NUDCD3: variants seen among roughly 807,000 people sequenced by gnomAD.
The protein encoded by NUDCD3 is NudC domain containing 3.
NUDCD3 carries 13 observed loss-of-function variants against 39.7 expected under a neutral mutation model. That is an observed-to-expected ratio of 0.33 (90% CI 0.21 to 0.52). NUDCD3 has a LOEUF of 0.52. NUDCD3 is among the 20% of genes least tolerant of loss of function. The pLI, the probability that NUDCD3 is intolerant of heterozygous loss-of-function variation, is 0.96. For synonymous variants in NUDCD3, 175 were observed against 172.4 expected (o/e 1.02, Z -0.12); for missense variants, 453 against 458.1 (o/e 0.99, Z 0.10).
intron 4 of NUDCD3, among the ~76,000 whole-genome samples, chr7:44,394,082 AGGGTGGGCACCGATGTGGTGC>A (rs1302531169): frequency 6.6e-6 from 1 of 152,202 alleles, no homozygotes; most frequent in Non-Finnish European, 1.5e-5. Context: ...ACTAATGAAG[AGGGTGGGCACCGATGTGGTGC>A]GGGAGAGCAC....
chr7:44,489,794 T>C (rs1800694103), intron 1 of NUDCD3: 1 of 152,232 alleles, frequency 6.6e-6, no homozygotes, highest in Non-Finnish European at 1.5e-5. Flanking sequence ...ACTAAGAGTG[T>C]AAACTACATT....
At chr7:44,476,035 T>C (rs1024480269) in intron 2 of NUDCD3, among the ~76,000 whole-genome samples, 2 of 152,114 alleles carry the variant, frequency 1.3e-5, no homozygotes, top group Non-Finnish European at 2.9e-5. Context: ...CTCACCACAG[T>C]CTACGGGGTT....
intron 2 of NUDCD3, chr7:44,484,298 A>T (rs1253412828): frequency 6.6e-6 from 1 of 152,234 alleles, no homozygotes; most frequent in East Asian, 1.9e-4. Context: ...CACCCACAAA[A>T]CATAACTCCT....
intron 2 of NUDCD3, among the ~76,000 whole-genome samples, chr7:44,434,438 G>T (rs948866835): frequency 3.9e-5 from 6 of 152,136 alleles, no homozygotes; most frequent in African/African-American, 1.4e-4. Flanking sequence ...CTGTCTAGAG[G>T]GTGGTGCCTC....
intron 4 of NUDCD3, among the ~76,000 whole-genome samples, chr7:44,394,389 T>A (rs1007439201): frequency 6.6e-6 from 1 of 152,206 alleles, no homozygotes; most frequent in African/African-American, 2.4e-5. Context: ...GGGACCTGAC[T>A]CACCCTCAGA....
At chr7:44,404,678 T>C in intron 3 of NUDCD3, 95 bp from the exon 4 acceptor site, 1 of 1,341,556 alleles carries the variant, frequency 7.5e-7, no homozygotes, top group Non-Finnish European at 1.0e-6. Context: ...GGTACCTGAC[T>C]GCACACTACA....
At chr7:44,464,875 C>T (rs867656823) in intron 2 of NUDCD3, among the ~76,000 whole-genome samples, 2 of 152,198 alleles carry the variant, frequency 1.3e-5, no homozygotes, top group Non-Finnish European at 2.9e-5. Context: ...GCATTTAGTA[C>T]AGAATCTCAA....
chr7:44,433,333 A>G (rs1445154437), intron 2 of NUDCD3, among the ~76,000 whole-genome samples: 5 of 152,088 alleles, frequency 3.3e-5, no homozygotes, highest in Non-Finnish European at 5.9e-5. Context: ...GTATGTGTGC[A>G]CTATATGTGT....
Position 44,391,453 on chromosome 7 carries a change from C to A in NUDCD3, c.975+844G>T, listed in dbSNP as rs529003601. ...TAAGACTAAGACAATCCAGATACAC[C>A]ACAAGGTAAGGTTCCTCCAAGAGAC... On this transcript the variant is annotated intron_variant, in intron 5 of 5. Coordinates refer to ENST00000355451, the MANE Select transcript of NUDCD3 (RefSeq NM_015332.4). Among the ~76,000 whole-genome samples, 8 of 152,230 alleles carry A rather than the reference C, an allele frequency of 5.3e-5. 1 individual carries two copies. In the South Asian group the frequency reaches 1.7e-3, roughly 32 times the overall value.
intron 5 of NUDCD3, among the ~76,000 whole-genome samples, chr7:44,391,839 C>G (rs973621194): frequency 1.3e-5 from 2 of 152,208 alleles, no homozygotes; most frequent in East Asian, 3.8e-4. Flanking sequence ...TCCTCCCTAA[C>G]CCACTGCTGA....
chr7:44,446,471 A>G (rs951485987), intron 2 of NUDCD3, among the ~76,000 whole-genome samples: 1 of 152,254 alleles, frequency 6.6e-6, no homozygotes, highest in Admixed American at 6.5e-5. Context: ...CTGGAGAAAC[A>G]GTCCTACTAT....
chr7:44,412,813 G>C (rs1428655223), intron 3 of NUDCD3, among the ~76,000 whole-genome samples: 1 of 151,718 alleles, frequency 6.6e-6, no homozygotes, highest in African/African-American at 2.4e-5. Context: ...TGTATTCCCA[G>C]CTACTCAGGA....
intron 2 of NUDCD3, among the ~76,000 whole-genome samples, chr7:44,439,487 G>A (rs1219957432): frequency 6.6e-6 from 1 of 151,970 alleles, no homozygotes; most frequent in African/African-American, 2.4e-5. Context: ...AAAGGGAATT[G>A]GGCTCCCTGG....
Position 44,475,982 on chromosome 7 carries a change from G to A in NUDCD3, c.509+8986C>T, listed in dbSNP as rs376915408. Among the ~76,000 whole-genome samples the A allele has an allele frequency of 2.0e-4, 31 of 152,204 alleles. 1 individual carries two copies. The highest frequency in any genetic ancestry group is 1.2e-3 in the South Asian group (6 of 4,816). On this transcript the variant is annotated intron_variant, in intron 2 of 5. Coordinates refer to ENST00000355451, the MANE Select transcript of NUDCD3 (RefSeq NM_015332.4). The stretch of plus-strand genomic sequence containing the variant: ...GATAATAGCTAGTATCTACTTGAGT[G>A]CACACTCTGTCAGGAATCATGCTAA...
At chr7:44,459,858 GA>G (rs1265811278) in intron 2 of NUDCD3, among the ~76,000 whole-genome samples, 1 of 152,124 alleles carries the variant, frequency 6.6e-6, no homozygotes, top group Non-Finnish European at 1.5e-5. Context: ...CTTTTAACAG[GA>G]AAATTTAACG....
intron 2 of NUDCD3, among the ~76,000 whole-genome samples, chr7:44,481,769 A>C (rs1800495832): frequency 6.6e-6 from 1 of 152,230 alleles, no homozygotes; most frequent in Non-Finnish European, 1.5e-5. Context: ...TTGTGTCCCA[A>C]AATTCCTACG....
Position 44,383,070 on chromosome 7 carries a change from G to C in NUDCD3, c.*2941C>G, listed in dbSNP as rs1798335393. On this transcript the variant is annotated 3_prime_UTR_variant, in exon 6 of 6. Transcript: ENST00000355451. ...CCAGGGGTGAGCAGGGTCAGAGGAG[G>C]CTGGAGATGGGGTGGGCACAGAGAA... 1 of 152,446 alleles carries C rather than the reference G, an allele frequency of 6.6e-6. No homozygotes were observed. The highest frequency in any genetic ancestry group is 2.4e-5 in the African/African-American group (1 of 41,472). 9.4% of individuals were successfully genotyped at this position (152,446 alleles called of 1,614,324 possible). A position where few individuals can be genotyped will look rare whatever the true frequency, so the allele number is the denominator to read the frequency against.
intron 4 of NUDCD3, among the ~76,000 whole-genome samples, chr7:44,395,573 A>G (rs990603109): frequency 3.9e-5 from 6 of 152,114 alleles, no homozygotes; most frequent in African/African-American, 1.2e-4. Flanking sequence ...CTTCCTCTAA[A>G]TTGTTCCCTC....
rs1390422697 is a variant in NUDCD3 at position 44,381,666 on chromosome 7, G to C, written c.*4345C>G. The stretch of plus-strand genomic sequence containing the variant: ...CCTCCCAGGTCCAGGCAGCTTTCCT[G>C]CAAGTGTTTCCTAAGCTGTCCTTCT... On this transcript the variant is annotated 3_prime_UTR_variant, in exon 6 of 6. Coordinates refer to ENST00000355451, the MANE Select transcript of NUDCD3 (RefSeq NM_015332.4). The C allele has an allele frequency of 6.6e-6, 1 of 152,292 alleles. No homozygotes were observed. 9.4% of individuals were successfully genotyped at this position (152,292 alleles called of 1,614,324 possible).
Sources: allele counts gnomAD v4.1 joint callset (sites outside exome capture counted in the v4.1 genomes callset), GRCh38; gene constraint gnomAD v4.1.1; transcripts MANE v1.5; gene names NCBI Gene and HGNC (gene_info 2026-07-23, HGNC 2026-07-21).